TMPRSS11F: variants seen among roughly 807,000 people sequenced by gnomAD.
TMPRSS11F encodes transmembrane serine protease 11F.
TMPRSS11F carries 47 observed loss-of-function variants against 60.2 expected under a neutral mutation model. That is an observed-to-expected ratio of 0.78 (90% CI 0.62 to 1.00). TMPRSS11F has a LOEUF of 1.00. Ranked by LOEUF, TMPRSS11F falls within the 50% of genes least tolerant of loss-of-function variation. TMPRSS11F has a pLI of 0.00. For missense variants in TMPRSS11F, 519 were observed against 522.9 expected (o/e 0.99, Z 0.07); for synonymous variants, 166 against 167.3 (o/e 0.99, Z 0.06).
At chr4:68,117,591 A>G (rs1724553392) in intron 1 of TMPRSS11F, among the ~76,000 whole-genome samples, 1 of 152,152 alleles carries the variant, frequency 6.6e-6, no homozygotes, top group African/African-American at 2.4e-5. Context: ...TTATCAGGAA[A>G]ATGCAAGTCA....
At chr4:68,066,116 C>CAAAAAA (rs10638436) in intron 7 of TMPRSS11F, among the ~76,000 whole-genome samples, 11 of 111,556 alleles carry the variant, frequency 9.9e-5, no homozygotes, top group African/African-American at 2.9e-4. Context: ...AAGACTGTCT[C>CAAAAAA]AAAAAAAAAA....
At chr4:68,074,239 A>AC (rs766844130) in intron 3 of TMPRSS11F, among the ~76,000 whole-genome samples, 1 of 152,202 alleles carries the variant, frequency 6.6e-6, no homozygotes, top group Non-Finnish European at 1.5e-5. Context: ...GAACCAAATA[A>AC]CCACAACAAA....
chr4:68,064,514 A>G (rs1214810208), intron 8 of TMPRSS11F, among the ~76,000 whole-genome samples, 171 bp downstream of exon 8: 1 of 152,132 alleles, frequency 6.6e-6, no homozygotes, highest in Admixed American at 6.6e-5. Context: ...AAACTCAAAT[A>G]CAGGACCTGA....
intron 1 of TMPRSS11F, among the ~76,000 whole-genome samples, chr4:68,116,555 A>G (rs1437642500): frequency 6.6e-6 from 1 of 152,198 alleles, no homozygotes; most frequent in East Asian, 1.9e-4. Flanking sequence ...GAGCAAGAAC[A>G]ACAATGCTAG....
intron 1 of TMPRSS11F, among the ~76,000 whole-genome samples, chr4:68,117,925 G>A (rs1293946109): frequency 1.3e-5 from 2 of 152,162 alleles, no homozygotes; most frequent in Non-Finnish European, 2.9e-5. Flanking sequence ...AAATTGTTGA[G>A]AAATACTTCT....
chr4:68,094,427 AT>A (rs1307949158), intron 2 of TMPRSS11F, among the ~76,000 whole-genome samples: 1 of 135,120 alleles, frequency 7.4e-6, no homozygotes, highest in African/African-American at 2.6e-5. Flanking sequence ...GAGGGATAGC[AT>A]TGGGAGATAT....
intron 3 of TMPRSS11F, among the ~76,000 whole-genome samples, chr4:68,075,372 T>C (rs968541645): frequency 2.0e-5 from 3 of 152,254 alleles, no homozygotes; most frequent in Middle Eastern, 3.4e-3. Flanking sequence ...CAGGATGATA[T>C]CTTTAAAATG....
chr4:68,075,499 GTC>G (rs1208871617), intron 3 of TMPRSS11F, among the ~76,000 whole-genome samples: 2 of 148,768 alleles, frequency 1.3e-5, no homozygotes, highest in Admixed American at 6.7e-5. Flanking sequence ...CTCTCTGTCT[GTC>G]TCTCTCTCTC....
At chr4:68,103,172 G>T (rs1173938210) in intron 1 of TMPRSS11F, among the ~76,000 whole-genome samples, 2 of 152,170 alleles carry the variant, frequency 1.3e-5, no homozygotes, top group African/African-American at 4.8e-5. Context: ...CAGGCACAGT[G>T]GCTCATGCCT....
intron 1 of TMPRSS11F, among the ~76,000 whole-genome samples, chr4:68,114,691 G>A (rs778629497): frequency 6.6e-6 from 1 of 150,582 alleles, no homozygotes; most frequent in Non-Finnish European, 1.5e-5. Context: ...TTTAAAAATC[G>A]GACAAGTTAG....
In TMPRSS11F at chr4:68,090,538, A is replaced by T; in HGVS notation, c.267T>A (p.His89Gln). 6.3e-7 allele frequency: 1 copy of T among 1,589,840 alleles called. No homozygotes were observed. Among genetic ancestry groups the T allele is most frequent in the Non-Finnish European group, 8.5e-7 (1 of 1,169,768 alleles). Residue 89 changes from histidine (H) to glutamine (Q), a missense_variant, in exon 3 of 10, where the codon CAT becomes CAA. By Grantham distance (24) the His-to-Gln change is conservative. Transcript: ENST00000356291. ...TTGAGCTTACCATTCTTTCAATCTG[A>T]TGACTCCTTTCTATAAACTCTCTTG... Reference protein sequence around the residue: ...RSSREFIERSHQIERMMSRIF... With the variant: ...RSSREFIERSQQIERMMSRIF...
intron 1 of TMPRSS11F, among the ~76,000 whole-genome samples, chr4:68,128,266 C>G (rs1724752997): frequency 6.6e-6 from 1 of 152,062 alleles, no homozygotes. Flanking sequence ...AAAAGCAGAT[C>G]TGATTTGAAA....
In TMPRSS11F at chr4:68,064,741, T is replaced by C. The variant is rs1723286223; in HGVS notation, c.959A>G (p.Lys320Arg). 1 of 1,614,058 alleles carries C rather than the reference T, an allele frequency of 6.2e-7. No homozygotes were observed. Among genetic ancestry groups the C allele is most frequent in the African/African-American group, 1.3e-5 (1 of 74,942 alleles). ...QRVCLPDSSI[K>R]LPPKTSVFVT... ...GAACACACTTGTTTTAGGTGGCAAC[T>C]TTATAGATGAGTCTGGGAGGCAAAC... Residue 320 changes from lysine to arginine, a missense_variant, in exon 8 of 10, where the codon AAG becomes AGG. Coordinates refer to ENST00000356291, the MANE Select transcript of TMPRSS11F (RefSeq NM_207407.2).
rs545318296 is a variant in TMPRSS11F, at chr4:68,104,035, G to A, written c.12-4997C>T. Among the ~76,000 whole-genome samples, 6 of 152,182 alleles carry A rather than the reference G, an allele frequency of 3.9e-5. No individual in the cohort carries two copies. The East Asian group carries it at 1.2e-3, about 29-fold the overall frequency. ...GCAACGTTATAAAATTCACTTATTA[G>A]TTCTAATAGTGTTTTGTGGCATCTT... On this transcript the variant is annotated intron_variant, in intron 1 of 9. Transcript: ENST00000356291.
intron 7 of TMPRSS11F, among the ~76,000 whole-genome samples, chr4:68,067,047 T>C (rs576444699): frequency 1.3e-5 from 2 of 152,290 alleles, no homozygotes; most frequent in South Asian, 4.1e-4. Flanking sequence ...AAATTATTAA[T>C]ATATCACTTC....
chr4:68,103,096 T>C lies in TMPRSS11F; in HGVS notation c.12-4058A>G, dbSNP rs76861074. Among the ~76,000 whole-genome samples, 889 of 151,648 alleles carry C rather than the reference T, an allele frequency of 5.9e-3. 10 individuals are homozygous for C. The highest frequency in any genetic ancestry group is 0.02 in the African/African-American group (843 of 41,418). On this transcript the variant is annotated intron_variant, in intron 1 of 9. Coordinates refer to ENST00000356291, the MANE Select transcript of TMPRSS11F (RefSeq NM_207407.2). ...CATTTATTGGTACCAATACCACTTA[T>C]TCAGAAACTATCCTTTCCTTATTGT... is the stretch of plus-strand genomic sequence containing the variant.
chr4:68,053,243 T>C lies in TMPRSS11F; in HGVS notation c.*666A>G, dbSNP rs774439068. The C allele has an allele frequency of 2.6e-5, 4 of 152,460 alleles. No homozygotes were observed. The highest frequency in any genetic ancestry group is 4.4e-5 in the Non-Finnish European group (3 of 67,988). 9.4% of individuals were successfully genotyped at this position (152,460 alleles called of 1,614,324 possible). A position where few individuals can be genotyped will look rare whatever the true frequency, so the allele number is the denominator to read the frequency against. On this transcript the variant is annotated 3_prime_UTR_variant, in exon 10 of 10. Coordinates refer to ENST00000356291, the MANE Select transcript of TMPRSS11F (RefSeq NM_207407.2). ...TACTAACATATAGATGGCAAGATGC[T>C]GTTAAAGAATAAATCAGAAAAGCTT...
intron 7 of TMPRSS11F, among the ~76,000 whole-genome samples, chr4:68,066,133 A>G (rs1389265332): frequency 6.6e-6 from 1 of 151,048 alleles, no homozygotes; most frequent in East Asian, 1.9e-4. Context: ...AAAAAAAAAA[A>G]GAGCAGGGAG....
chr4:68,074,101 G>A, intron 3 of TMPRSS11F, 92 bp from the exon 4 acceptor site: 1 of 734,296 alleles, frequency 1.4e-6, no homozygotes, highest in South Asian at 2.5e-5. Flanking sequence ...TAAGAAAAGT[G>A]TTATTCCTTG....
Sources: gnomAD v4.1 joint callset for allele counts (sites outside exome capture counted in the v4.1 genomes callset) on GRCh38, gnomAD v4.1.1 for gene constraint, MANE v1.5 for transcripts, NCBI Gene and HGNC (gene_info 2026-07-23, HGNC 2026-07-21) for gene names.